Variants in COLEC10 observed in about 807,000 individuals in gnomAD.
COLEC10 encodes collectin-10.
Under a neutral mutation model 28.4 loss-of-function variants are expected in COLEC10, and 22 were observed. The observed-to-expected ratio is 0.78, with a 90% confidence interval of 0.55 to 1.11. The LOEUF (loss-of-function observed/expected upper bound fraction) is 1.11, where lower values mean the gene tolerates loss of function less well. Among genes scored for constraint, COLEC10 ranks in the 50% least tolerant of loss-of-function variants. The pLI is 0.00. For synonymous variants in COLEC10, 125 were observed against 116.1 expected (o/e 1.08, Z -0.49); for missense variants, 361 against 344.1 (o/e 1.05, Z -0.39).
intron 2 of COLEC10, among the ~76,000 whole-genome samples, chr8:119,027,538 A>G (rs549771239): frequency 9.2e-5 from 14 of 152,174 alleles, no homozygotes; most frequent in Admixed American, 4.6e-4. Context: ...TCCACAGCCA[A>G]TAAGACAAAG....
At chr8:119,079,036 CA>C (rs1373553868) in intron 1 of COLEC10, among the ~76,000 whole-genome samples, 3 of 103,260 alleles carry the variant, frequency 2.9e-5, no homozygotes, top group Admixed American at 9.3e-5. Flanking sequence ...CACACACACA[CA>C]CACACACCAA....
chr8:118,956,216 G>A, the COLEC10 span, among the ~76,000 whole-genome samples: 1 of 152,112 alleles, frequency 6.6e-6, no homozygotes. Flanking sequence ...ACCATCCAAA[G>A]GCCCCCTTTC....
intron 2 of COLEC10, among the ~76,000 whole-genome samples, chr8:119,044,142 T>G (rs576007762): frequency 2.0e-5 from 3 of 152,376 alleles, no homozygotes; most frequent in African/African-American, 7.2e-5. Context: ...GCTTTTGTAA[T>G]AATCAATAGT....
intron 2 of COLEC10, among the ~76,000 whole-genome samples, chr8:119,090,009 G>A (rs113328653): frequency 8.7e-4 from 133 of 152,308 alleles, no homozygotes; most frequent in African/African-American, 3.1e-3. Context: ...GAAAAGCACT[G>A]TCTGAGAATA....
chr8:118,994,580 G>T (rs1441313296), upstream of COLEC10, among the ~76,000 whole-genome samples: 4 of 152,134 alleles, frequency 2.6e-5, no homozygotes, highest in Admixed American at 2.6e-4. Flanking sequence ...GTCGGCCAGA[G>T]GTTATATCCC....
chr8:118,962,011 C>A, the COLEC10 span, among the ~76,000 whole-genome samples: 1 of 152,142 alleles, frequency 6.6e-6, no homozygotes, highest in African/African-American at 2.4e-5. Context: ...CAATCACCCC[C>A]CTGTTGTTTT....
chr8:119,102,306 T>C (rs1209369693), intron 3 of COLEC10, 42 bp from the exon 4 acceptor site: 4 of 1,395,270 alleles, frequency 2.9e-6, no homozygotes, highest in Non-Finnish European at 3.0e-6. Context: ...TCTTCTTTTA[T>C]TTTAATTTTA....
intron 1 of COLEC10, among the ~76,000 whole-genome samples, chr8:119,073,780 C>A (rs911074533): frequency 4.6e-5 from 7 of 151,934 alleles, no homozygotes; most frequent in South Asian, 2.1e-4. Context: ...ATTTAATAAG[C>A]CATGTCTCTC....
upstream of COLEC10, among the ~76,000 whole-genome samples, chr8:119,064,833 C>T (rs982942158): frequency 2.0e-5 from 3 of 151,448 alleles, no homozygotes; most frequent in African/African-American, 7.3e-5. Flanking sequence ...CAATGGATGA[C>T]CTTACTCAAA....
At chr8:119,080,372 T>G (rs1815345080) in intron 1 of COLEC10, among the ~76,000 whole-genome samples, 1 of 152,200 alleles carries the variant, frequency 6.6e-6, no homozygotes, top group Non-Finnish European at 1.5e-5. Flanking sequence ...GTGTAGAATA[T>G]CTGTTCTTAT....
the COLEC10 span, among the ~76,000 whole-genome samples, chr8:118,963,609 C>T: frequency 6.6e-6 from 1 of 152,190 alleles, no homozygotes; most frequent in Admixed American, 6.5e-5. Flanking sequence ...ATTAAAACAT[C>T]AATGGCATAG....
chr8:119,030,819 AC>A (rs1814274280), intron 2 of COLEC10, among the ~76,000 whole-genome samples: 1 of 152,122 alleles, frequency 6.6e-6, no homozygotes, highest in Non-Finnish European at 1.5e-5. Context: ...GACAATTACT[AC>A]CCTGCCCCTT....
chr8:118,953,543 A>G, the COLEC10 span, among the ~76,000 whole-genome samples: 1 of 152,230 alleles, frequency 6.6e-6, no homozygotes, highest in African/African-American at 2.4e-5. Context: ...TGAGTCCTTC[A>G]GTGTTAACCC....
At chr8:118,980,472 C>T in the COLEC10 span, among the ~76,000 whole-genome samples, 87 of 151,974 alleles carry the variant, frequency 5.7e-4, 2 homozygotes, top group South Asian at 4.1e-4. Context: ...GGATTACAGG[C>T]GTGAACCAAC....
chr8:119,089,880 C>G, intron 2 of COLEC10, 129 bp downstream of exon 2: 1 of 687,222 alleles, frequency 1.5e-6, no homozygotes, highest in Non-Finnish European at 2.5e-6. Flanking sequence ...ATATATTTCA[C>G]ACATGAATTA....
chr8:118,956,889 T>A, the COLEC10 span, among the ~76,000 whole-genome samples: 1 of 152,174 alleles, frequency 6.6e-6, no homozygotes, highest in Non-Finnish European at 1.5e-5. Context: ...TAATAGTCAA[T>A]GAGGTGCTTC....
At chr8:119,073,163 T>C (rs1234420822) in intron 1 of COLEC10, among the ~76,000 whole-genome samples, 1 of 152,234 alleles carries the variant, frequency 6.6e-6, no homozygotes, top group Non-Finnish European at 1.5e-5. Flanking sequence ...TAAAATAACT[T>C]GTTCTAGGTC....
At chr8:119,081,696 A>G (rs1450614682) in intron 1 of COLEC10, among the ~76,000 whole-genome samples, 1 of 152,188 alleles carries the variant, frequency 6.6e-6, no homozygotes, top group African/African-American at 2.4e-5. Context: ...ATATAAATTA[A>G]ATGAGCCATT....
chr8:119,071,477 C>T (rs1179611635), intron 1 of COLEC10, among the ~76,000 whole-genome samples: 3 of 152,146 alleles, frequency 2.0e-5, no homozygotes, highest in Non-Finnish European at 4.4e-5. Flanking sequence ...CTCTTGATGG[C>T]TCCTCTGCCT....
Sources: allele counts gnomAD v4.1 joint callset (sites outside exome capture counted in the v4.1 genomes callset), GRCh38; gene constraint gnomAD v4.1.1; transcripts MANE v1.5; gene names NCBI Gene and HGNC (gene_info 2026-07-23, HGNC 2026-07-21).